Variants in PHACTR1 observed in about 807,000 individuals in gnomAD.
PHACTR1 encodes the protein phosphatase and actin regulator 1.
A neutral mutation model predicts 69.2 loss-of-function variants in PHACTR1; 16 were observed. That is an observed-to-expected ratio of 0.23 (90% confidence interval 0.16 to 0.35). PHACTR1 has a LOEUF of 0.35. Among genes scored for constraint, PHACTR1 ranks in the 10% least tolerant of loss-of-function variants. The pLI is 1.00. For synonymous variants in PHACTR1, 312 were observed against 284.5 expected, an observed-to-expected ratio of 1.10 and a Z score of -0.97; for missense variants, 510 against 734.7, an observed-to-expected ratio of 0.69 and a Z score of 3.54.
At chr6:12,949,946 C>A (rs1039369252) in intron 4 of PHACTR1, among the ~76,000 whole-genome samples, 1 of 152,198 alleles carries the variant, frequency 6.6e-6, no homozygotes, top group Non-Finnish European at 1.5e-5. Flanking sequence ...ACACCCCTGC[C>A]GTCTCACACC....
chr6:12,784,740 G>GT (rs1771324508), intron 4 of PHACTR1, among the ~76,000 whole-genome samples: 1 of 151,244 alleles, frequency 6.6e-6, no homozygotes, highest in South Asian at 2.1e-4. Context: ...TATTTTTTGA[G>GT]TTTCGCTCTT....
intron 4 of PHACTR1, among the ~76,000 whole-genome samples, chr6:12,904,870 G>A (rs545705865): frequency 1.4e-4 from 21 of 152,246 alleles, no homozygotes; most frequent in South Asian, 2.1e-4. Context: ...TATATAAAGG[G>A]AACAATAGTG....
chr6:13,259,186 A>C (rs1472154960), intron 10 of PHACTR1, among the ~76,000 whole-genome samples: 1 of 152,170 alleles, frequency 6.6e-6, no homozygotes, highest in East Asian at 1.9e-4. Context: ...AACTACCTTA[A>C]TTTCTGTTAT....
chr6:13,148,180 G>GTT lies in PHACTR1; in HGVS notation c.416-12011_416-12010dup, dbSNP rs58832085. Among the ~76,000 whole-genome samples the GTT allele has an allele frequency of 5.7e-4, 76 of 132,184 alleles. 1 individual carries two copies. The highest frequency in any genetic ancestry group is 3.3e-3 in the South Asian group (14 of 4,202). 86.7% of individuals were successfully genotyped at this position (132,184 alleles called of 152,430 possible). A position where few individuals can be genotyped will look rare whatever the true frequency, so the allele number is the denominator to read the frequency against. On this transcript the variant is annotated intron_variant, in intron 5 of 14. Coordinates refer to ENST00000332995, the MANE Select transcript of PHACTR1 (RefSeq NM_030948.6). ...GTAAGATTCATTTGTGTGTTTACTG[G>GTT]TTTTTTTTTTTTTTGAAAATTTGCA...
intron 7 of PHACTR1, among the ~76,000 whole-genome samples, chr6:13,201,750 G>A (rs144434352): frequency 6.6e-6 from 1 of 152,304 alleles, no homozygotes; most frequent in African/African-American, 2.4e-5. Flanking sequence ...CTCTAGTTAT[G>A]TTATGGGGAA....
At chr6:12,877,350 A>G (rs564753063) in intron 4 of PHACTR1, among the ~76,000 whole-genome samples, 32 of 152,256 alleles carry the variant, frequency 2.1e-4, no homozygotes, top group African/African-American at 7.7e-4. Context: ...TCAGTATATG[A>G]TCAACAAAGG....
intron 10 of PHACTR1, among the ~76,000 whole-genome samples, chr6:13,262,715 C>T (rs755690696): frequency 1.3e-4 from 20 of 151,278 alleles, no homozygotes; most frequent in Non-Finnish European, 2.1e-4. Flanking sequence ...TCCCACCAAG[C>T]CCATCTACAC....
chr6:12,745,457 T>C (rs550151763), intron 3 of PHACTR1, among the ~76,000 whole-genome samples: 1 of 152,252 alleles, frequency 6.6e-6, no homozygotes, highest in Non-Finnish European at 1.5e-5. Flanking sequence ...TTAGAAGTCA[T>C]TGAGGTCACA....
At chr6:12,836,224 C>T (rs909659944) in intron 4 of PHACTR1, among the ~76,000 whole-genome samples, 2 of 152,146 alleles carry the variant, frequency 1.3e-5, no homozygotes, top group Non-Finnish European at 2.9e-5. Flanking sequence ...CAGCCTGGTA[C>T]TGAGTTTCAA....
chr6:13,069,353 T>C (rs1363807581), intron 5 of PHACTR1, among the ~76,000 whole-genome samples: 2 of 152,152 alleles, frequency 1.3e-5, no homozygotes, highest in Non-Finnish European at 2.9e-5. Context: ...TTATTTTCTA[T>C]TCCTTTAACA....
chr6:13,252,065 A>AGAAAG (rs571765162), intron 10 of PHACTR1, among the ~76,000 whole-genome samples: 12 of 149,554 alleles, frequency 8.0e-5, no homozygotes, highest in African/African-American at 3.0e-4. Flanking sequence ...AAAAAAAAAA[A>AGAAAG]AAAGAAAGAA....
At chr6:12,993,060 C>T (rs745456016) in intron 4 of PHACTR1, among the ~76,000 whole-genome samples, 16 of 152,164 alleles carry the variant, frequency 1.1e-4, no homozygotes, top group Non-Finnish European at 1.9e-4. Flanking sequence ...CCCAGGTGGC[C>T]TTTTCATATT....
At chr6:13,218,873 GAAGAGAAGAGAAGAGAA>G (rs1768138041) in intron 8 of PHACTR1, among the ~76,000 whole-genome samples, 1 of 17,678 alleles carries the variant, frequency 5.7e-5, no homozygotes, top group Non-Finnish European at 1.7e-4. Context: ...GAAGAGAAGA[GAAGAGAAGAGAAGAGAA>G]GAGAAGAGAA....
At chr6:12,853,925 C>T (rs1438970396) in intron 4 of PHACTR1, among the ~76,000 whole-genome samples, 1 of 152,132 alleles carries the variant, frequency 6.6e-6, no homozygotes, top group Non-Finnish European at 1.5e-5. Context: ...AAAGACTTTA[C>T]AAAATTAATA....
chr6:12,783,523 T>A (rs191777728), intron 4 of PHACTR1, among the ~76,000 whole-genome samples: 2 of 152,334 alleles, frequency 1.3e-5, no homozygotes, highest in East Asian at 3.9e-4. Context: ...GGAACATGAA[T>A]GGGCTTCACC....
intron 4 of PHACTR1, among the ~76,000 whole-genome samples, chr6:13,047,870 G>A (rs80005788): frequency 0.028 from 4,184 of 152,144 alleles, 176 homozygotes; most frequent in African/African-American, 0.095. Flanking sequence ...TGGTGTACCT[G>A]AGGAGCGCCC....
intron 5 of PHACTR1, among the ~76,000 whole-genome samples, chr6:13,108,181 TA>T (rs1210491611): frequency 6.6e-6 from 1 of 152,134 alleles, no homozygotes; most frequent in Non-Finnish European, 1.5e-5. Flanking sequence ...AATATATAAC[TA>T]TTTTTCAAAT....
In PHACTR1 at chr6:13,160,253, G is replaced by A. The variant is rs1489320810; in HGVS notation, c.465G>A (p.Lys155=). The A allele has an allele frequency of 2.5e-6, 4 of 1,613,680 alleles. No homozygotes were observed. Among genetic ancestry groups the A allele is most frequent in the East Asian group, 2.2e-5 (1 of 44,886 alleles). The change falls in exon 6 of 15, where the codon AAG becomes AAA. Residue 155 remains lysine (K), a synonymous_variant. Transcript: ENST00000332995. The part of the protein sequence containing the change: ...SMRQSREELI[K]RGVLKEIYDK... ...GGCAAAGCAGAGAAGAGCTGATAAA[G>A]CGAGGAGTCCTGAAGGAAATCTATG...
At chr6:12,883,657 G>C (rs564422749) in intron 4 of PHACTR1, among the ~76,000 whole-genome samples, 2 of 152,050 alleles carry the variant, frequency 1.3e-5, no homozygotes, top group Non-Finnish European at 2.9e-5. Context: ...GCTGTCTGGG[G>C]ATGGCTCAGG....
Sources: allele counts gnomAD v4.1 joint callset (sites outside exome capture counted in the v4.1 genomes callset), GRCh38; gene constraint gnomAD v4.1.1; transcripts MANE v1.5; gene names NCBI Gene and HGNC (gene_info 2026-07-23, HGNC 2026-07-21).